Variants in DYRK1B observed in about 807,000 individuals in gnomAD.
DYRK1B encodes the protein dual specificity tyrosine phosphorylation regulated kinase 1B.
A neutral mutation model predicts 57.1 loss-of-function variants in DYRK1B; 20 were observed. The observed-to-expected ratio is 0.35, with a 90% CI of 0.25 to 0.51. DYRK1B has a LOEUF of 0.51. Ranked by LOEUF, DYRK1B falls within the 20% of genes least tolerant of loss-of-function variation. The pLI, the probability that DYRK1B is intolerant of heterozygous loss-of-function variation, is 0.96. For missense variants in DYRK1B, 732 were observed against 886.3 expected (o/e 0.83, Z 2.21); for synonymous variants, 409 against 384.7 (o/e 1.06, Z -0.74).
chr19:39,826,761 G>A lies in DYRK1B; in HGVS notation c.1322C>T (p.Thr441Met), dbSNP rs764640430. Residue 441 changes from threonine (T) to methionine (M), a missense_variant, in exon 9 of 11, where the codon ACG becomes ATG. Physicochemically the swap from Thr to Met is moderately conservative, Grantham distance 81. This residue lies in a region of DYRK1B where 510 missense variants were observed against 681.3 expected (regional missense o/e 0.75). Coordinates refer to ENST00000323039, the MANE Select transcript of DYRK1B (RefSeq NM_004714.3). The surrounding 1 kb of genome is among the most constrained non-coding windows in gnomAD (Gnocchi z 6.3). ...FRRTADEATN[T>M]GPAGSSASTS... ...GGAGGCACTGCTGCCTGCCGGGCCC[G>A]TGTTGGTGGCCTCGTCGGCCGTGCG... 12 of 1,585,856 alleles carry A rather than the reference G, an allele frequency of 7.6e-6. No individual in the cohort carries two copies. In the African/African-American group the frequency reaches 9.4e-5, roughly 12 times the overall value.
chr19:39,831,666 G>A (rs1968816094), intron 2 of DYRK1B, 139 bp downstream of exon 2: 2 of 1,132,788 alleles, frequency 1.8e-6, no homozygotes, highest in Non-Finnish European at 2.5e-6. Context: ...AAACTCCTCT[G>A]TTATTTTCCA....
chr19:39,833,822 C>G (rs1286388092), intron 1 of DYRK1B, among the ~76,000 whole-genome samples: 10 of 152,218 alleles, frequency 6.6e-5, no homozygotes, highest in Admixed American at 2.6e-4. Flanking sequence ...CCCAGCCTCC[C>G]TCCTGCAACT....
chr19:39,826,885 C>T lies in DYRK1B; in HGVS notation c.1198G>A (p.Asp400Asn). The change falls in exon 9 of 11, where the codon GAC becomes AAC. Residue 400 changes from aspartate to asparagine, a missense_variant. Asp to Asn is a conservative substitution (Grantham distance 23, BLOSUM62 1). Around this residue, in one of 2 missense-constraint regions of DYRK1B, gnomAD observed 510 missense variants for 681.3 expected, o/e 0.75. Transcript: ENST00000323039. This position sits in a 1 kb window ranked among gnomAD's most constrained non-coding sequence, Gnocchi z 6.3. ...RAGEPGHSPA[D>N]YLRFQDLVLR... ...ACCAGGTCCTGGAAGCGGAGGTAGTCGGCGGGGCTGTGGCCCGGCTCCCCC... is the reference window on the plus strand; with the variant it reads ...ACCAGGTCCTGGAAGCGGAGGTAGTTGGCGGGGCTGTGGCCCGGCTCCCCC... The T allele has an allele frequency of 2.1e-6, 3 of 1,424,682 alleles. No individual in the cohort carries two copies. The highest frequency in any genetic ancestry group is 2.7e-6 in the Non-Finnish European group (3 of 1,097,594). 88.3% of individuals were successfully genotyped at this position (1,424,682 alleles called of 1,614,324 possible). A position where few individuals can be genotyped will look rare whatever the true frequency, so the allele number is the denominator to read the frequency against.
Position 39,831,172 on chromosome 19 carries a change from C to G in DYRK1B, c.64-389G>C, listed in dbSNP as rs111476714. 9.8e-3 allele frequency among the ~76,000 whole-genome samples: 1,485 copies of G among 152,250 alleles called. 20 individuals carry two copies. The highest frequency in any genetic ancestry group is 0.032 in the African/African-American group (1,314 of 41,534). On this transcript the variant is annotated intron_variant, in intron 2 of 10. Transcript: ENST00000323039. The stretch of plus-strand genomic sequence containing the variant: ...TCTGAAGTACCTCTATCTCAATTTA[C>G]CCTCATCCCTTGGGCCTCAACCCAT...
chr19:39,828,325 A>T lies in DYRK1B; in HGVS notation c.779T>A (p.Phe260Tyr). The T allele has an allele frequency of 6.2e-7, 1 of 1,614,164 alleles. No homozygotes were observed. Among genetic ancestry groups the T allele is most frequent in the Non-Finnish European group, 8.5e-7 (1 of 1,180,022 alleles). ...PKRSAIKIVD[F>Y]GSSCQLGQRI... ...CTGGCCAAGCTGGCAGGAGCTGCCG[A>T]AGTCCACAATCTTGATGGCGCTGCG... The change falls in exon 6 of 11, where the codon TTC (phenylalanine) becomes TAC (tyrosine). Residue 260 changes from phenylalanine (F) to tyrosine (Y), a missense_variant. Physicochemically the swap from Phe to Tyr is conservative, Grantham distance 22. Coordinates refer to ENST00000323039, the MANE Select transcript of DYRK1B (RefSeq NM_004714.3). This position sits in a 1 kb window ranked among gnomAD's most constrained non-coding sequence, Gnocchi z 4.3.
intron 8 of DYRK1B, 51 bp downstream of exon 8, chr19:39,827,234 G>A: frequency 2.6e-6 from 4 of 1,561,148 alleles, no homozygotes; most frequent in Middle Eastern, 2.1e-4. Flanking sequence ...AGCCCCAAGT[G>A]TGAGTGAGGG....
intron 5 of DYRK1B, 88 bp downstream of exon 5, chr19:39,829,792 G>T: frequency 6.8e-7 from 1 of 1,473,388 alleles, no homozygotes; most frequent in South Asian, 1.3e-5. Context: ...GCCTCCTCCT[G>T]AGAGTAGGGC....
In DYRK1B at chr19:39,831,800, CGT is replaced by C; in HGVS notation, c.63+3_63+4del. 4 of 1,548,728 alleles carry C rather than the reference CGT, an allele frequency of 2.6e-6. No individual in the cohort carries two copies. Among genetic ancestry groups the C allele is most frequent in the Non-Finnish European group, 3.5e-6 (4 of 1,146,530 alleles). ...ACGCAGGTGAGGAGCCAGCTGAACG[CGT>C]ACCTGCGTGTGCTCCTGGGGCCCTG... On this transcript the variant is annotated splice_donor_region_variant and intron_variant, in intron 2 of 10. Coordinates refer to ENST00000323039, the MANE Select transcript of DYRK1B (RefSeq NM_004714.3).
In DYRK1B at chr19:39,826,818, G is replaced by A; in HGVS notation, c.1265C>T (p.Pro422Leu). 1 of 1,504,746 alleles carries A rather than the reference G, an allele frequency of 6.6e-7. No individual in the cohort carries two copies. Among genetic ancestry groups the A allele is most frequent in the Non-Finnish European group, 8.9e-7 (1 of 1,128,548 alleles). The allele number at this position is 1,504,746 out of a possible 1,614,324, so 93.2% of individuals were successfully genotyped here. Residue 422 changes from proline (P) to leucine (L), a missense_variant, in exon 9 of 11, where the codon CCC becomes CTC. By Grantham distance (98) the Pro-to-Leu change is moderately conservative (BLOSUM62 -3). Around this residue, in one of 2 missense-constraint regions of DYRK1B, gnomAD observed 510 missense variants for 681.3 expected, o/e 0.75. Coordinates refer to ENST00000323039, the MANE Select transcript of DYRK1B (RefSeq NM_004714.3). The surrounding 1 kb of genome is among the most constrained non-coding windows in gnomAD (Gnocchi z 6.3). Reference sequence around the variant, plus strand: ...GAAGCCGTGCTGCAGAGCCCCCAGGGGGCTGATGCGGGCGGCGGGCTCATA... The same window carrying A: ...GAAGCCGTGCTGCAGAGCCCCCAGGAGGCTGATGCGGGCGGCGGGCTCATA... ...LEYEPAARIS[P>L]LGALQHGFFR...
Position 39,830,672 on chromosome 19 carries a change from T to C in DYRK1B, c.175A>G (p.Ile59Val), listed in dbSNP as rs776728304. The C allele has an allele frequency of 1.2e-6, 2 of 1,613,908 alleles. No individual in the cohort carries two copies. Among genetic ancestry groups the C allele is most frequent in the Non-Finnish European group, 1.7e-6 (2 of 1,179,904 alleles). Residue 59 changes from isoleucine (I) to valine (V), a missense_variant, in exon 3 of 11, where the codon ATC (isoleucine) becomes GTC (valine). This residue lies in a region of DYRK1B where 510 missense variants were observed against 681.3 expected (regional missense o/e 0.75). Transcript: ENST00000323039. ...SVDLIKTYKH[I>V]NEVYYAKKKR... is the part of the protein sequence containing the mutation. ...CCCCAGCCCCTGCCCACCTCATTGATGTGCTTGTAGGTCTTGATGAGGTCC... is the reference window on the plus strand; with the variant it reads ...CCCCAGCCCCTGCCCACCTCATTGACGTGCTTGTAGGTCTTGATGAGGTCC...
In DYRK1B at chr19:39,826,738, A is replaced by T; in HGVS notation, c.1345T>A (p.Ser449Thr). The change falls in exon 9 of 11, where the codon TCC becomes ACC. Residue 449 changes from serine (S) to threonine (T), a missense_variant. Physicochemically the swap from Ser to Thr is moderately conservative, Grantham distance 58. Around this residue, in one of 2 missense-constraint regions of DYRK1B, gnomAD observed 510 missense variants for 681.3 expected, o/e 0.75. Coordinates refer to ENST00000323039, the MANE Select transcript of DYRK1B (RefSeq NM_004714.3). This position sits in a 1 kb window ranked among gnomAD's most constrained non-coding sequence, Gnocchi z 6.3. ...GTGTCGAGGGGCGCGGGCGAGGTGG[A>T]GGCACTGCTGCCTGCCGGGCCCGTG... ...TNTGPAGSSASTSPAPLDTCP... is the reference protein window; with the variant it reads ...TNTGPAGSSATTSPAPLDTCP... 6.3e-7 allele frequency: 1 copy of T among 1,597,284 alleles called. No homozygotes were observed. Among genetic ancestry groups the T allele is most frequent in the Non-Finnish European group, 8.5e-7 (1 of 1,173,548 alleles).
chr19:39,830,388 C>G lies in DYRK1B; in HGVS notation c.359G>C (p.Gly120Ala). The change falls in exon 4 of 11, where the codon GGC becomes GCC. Residue 120 changes from glycine (G) to alanine (A), a missense_variant. By Grantham distance (60) the Gly-to-Ala change is moderately conservative. Around this residue, in one of 2 missense-constraint regions of DYRK1B, gnomAD observed 510 missense variants for 681.3 expected, o/e 0.75. Transcript: ENST00000323039. ...GGTGTCCCACACCTGGCCAAAGGAG[C>G]CTTTGCCAATGAGCGAGTCAATTTC... ...RYEIDSLIGK[G>A]SFGQVVKAYD... is the part of the protein sequence containing the mutation. 1.2e-6 allele frequency: 2 copies of G among 1,614,092 alleles called. No homozygotes were observed. The highest frequency in any genetic ancestry group is 1.7e-6 in the Non-Finnish European group (2 of 1,180,030).
rs1968603852 is a variant in DYRK1B at position 39,827,654 on chromosome 19, G to A, written c.810C>T (p.Ile270=). 1.2e-6 allele frequency: 2 copies of A among 1,613,350 alleles called. No individual in the cohort carries two copies. The highest frequency in any genetic ancestry group is 1.3e-5 in the African/African-American group (1 of 74,890). ...FGSSCQLGQR[I]YQYIQSRFYR... Reference sequence around the variant, plus strand: ...AGAAGCGGCTCTGGATATACTGGTAGATCTGGGAAAAGGGTAATCGTCAAG... The same window carrying A: ...AGAAGCGGCTCTGGATATACTGGTAAATCTGGGAAAAGGGTAATCGTCAAG... Residue 270 remains isoleucine, a splice_region_variant and synonymous_variant, in exon 7 of 11, where the codon ATC becomes ATT. Coordinates refer to ENST00000323039, the MANE Select transcript of DYRK1B (RefSeq NM_004714.3).
intron 1 of DYRK1B, chr19:39,832,864 G>A: frequency 1.0e-6 from 1 of 968,538 alleles, no homozygotes; most frequent in Non-Finnish European, 1.2e-6. Context: ...GATGGGAGAA[G>A]GAGGAGGTGT....
chr19:39,833,429 G>A (rs1217472890), intron 1 of DYRK1B: 9 of 874,030 alleles, frequency 1.0e-5, no homozygotes, highest in Non-Finnish European at 1.2e-5. Context: ...GGGACAGGAG[G>A]CCCGGTGGGT....
chr19:39,829,972 T>C lies in DYRK1B; in HGVS notation c.428A>G (p.Lys143Arg). Residue 143 changes from lysine to arginine, a missense_variant, in exon 5 of 11, where the codon AAG becomes AGG. This residue lies in a region of DYRK1B where 510 missense variants were observed against 681.3 expected (regional missense o/e 0.75). Transcript: ENST00000323039. ...CTGGTTCAGGAAAGCCTTTTTGTTC[T>C]TGATGATCTTGATGGCCACAAGCTC... The part of the protein sequence containing the change: ...TQELVAIKII[K>R]NKKAFLNQAQ... 1.2e-6 allele frequency: 2 copies of C among 1,614,138 alleles called. No individual in the cohort carries two copies. The highest frequency in any genetic ancestry group is 1.7e-6 in the Non-Finnish European group (2 of 1,180,024).
At chr19:39,827,798 C>T (rs1027377874) in intron 6 of DYRK1B, 142 bp from the exon 7 acceptor site, 2 of 1,095,674 alleles carry the variant, frequency 1.8e-6, no homozygotes, top group African/African-American at 1.6e-5. Context: ...ATTATCAGCA[C>T]CAATTTTCTG....
chr19:39,832,798 A>G (rs932104120), intron 1 of DYRK1B, among the ~76,000 whole-genome samples: 2 of 151,960 alleles, frequency 1.3e-5, no homozygotes, highest in African/African-American at 4.8e-5. Flanking sequence ...CTACCACAAC[A>G]GGGTTCTTCC....
chr19:39,827,524 T>C lies in DYRK1B; in HGVS notation c.940A>G (p.Ser314Gly). 2 of 1,613,922 alleles carry C rather than the reference T, an allele frequency of 1.2e-6. No individual in the cohort carries two copies. The highest frequency in any genetic ancestry group is 1.7e-6 in the Non-Finnish European group (2 of 1,179,910). Residue 314 changes from serine to glycine, a missense_variant, in exon 7 of 11, where the codon AGT (serine) becomes GGT (glycine). Transcript: ENST00000323039. The stretch of plus-strand genomic sequence containing the variant: ...TGGGGGCACACCTCATTGGAGCCAC[T>C]GAAGAGGGGCTCTCCGGTGTGCATC... The part of the protein sequence containing the change: ...VEMHTGEPLF[S>G]GSNEVDQMNR...
Sources: gnomAD v4.1 joint callset for allele counts (sites outside exome capture counted in the v4.1 genomes callset) on GRCh38, gnomAD v4.1.1 for gene constraint, gnomAD v4.1.1 regional missense constraint, Gnocchi (gnomAD v3.1) non-coding constraint, MANE v1.5 for transcripts, NCBI Gene and HGNC (gene_info 2026-07-23, HGNC 2026-07-21) for gene names.